The following NELFCD variants were observed in gnomAD, a reference collection of about 807,000 sequenced individuals.
NELFCD encodes the protein negative elongation factor complex member C/D, also known as negative elongation factor C/D.
NELFCD carries 48 observed loss-of-function variants against 72.9 expected under a neutral mutation model. That is an observed-to-expected ratio of 0.66 (90% CI 0.52 to 0.84). NELFCD has a LOEUF of 0.84. Ranked by LOEUF, NELFCD falls within the 40% of genes least tolerant of loss-of-function variation. NELFCD has a pLI of 0.00. For synonymous variants in NELFCD, 297 were observed against 280.6 expected (o/e 1.06, Z -0.59); for missense variants, 538 against 723.8 (o/e 0.74, Z 2.94).
intron 9 of NELFCD, 172 bp from the exon 10 acceptor site, chr20:58,991,709 A>G: frequency 2.6e-6 from 2 of 781,458 alleles, no homozygotes; most frequent in Non-Finnish European, 4.0e-6. Flanking sequence ...CACTAGTCTC[A>G]TTGCTTTTCA....
rs766699656 is a variant in NELFCD at position 58,986,151 on chromosome 20, A to G, written c.119A>G (p.His40Arg). The G allele has an allele frequency of 1.9e-6, 3 of 1,614,172 alleles. No individual in the cohort carries two copies. The highest frequency in any genetic ancestry group is 2.2e-5 in the East Asian group (1 of 44,882). Reference protein sequence around the residue: ...DDAEVQQECLHKFSTRDYIME... With the variant: ...DDAEVQQECLRKFSTRDYIME... Reference sequence around the variant, plus strand: ...GCGGAGGTTCAGCAAGAATGCCTGCATAAATTTTCCACCCGGGATTATATC... The same window carrying G: ...GCGGAGGTTCAGCAAGAATGCCTGCGTAAATTTTCCACCCGGGATTATATC... Residue 40 changes from histidine (H) to arginine (R), a missense_variant, in exon 2 of 15, where the codon CAT (histidine) becomes CGT (arginine). Coordinates refer to ENST00000652272, the MANE Select transcript of NELFCD (RefSeq NM_198976.4). This position sits in a 1 kb window ranked among gnomAD's most constrained non-coding sequence, Gnocchi z 4.4.
chr20:58,990,067 C>T, intron 7 of NELFCD, 79 bp downstream of exon 7: 1 of 1,553,516 alleles, frequency 6.4e-7, no homozygotes, highest in South Asian at 1.2e-5. Context: ...TGTTCCACAG[C>T]CAAAGCTGCT....
At position 58,993,758 on chromosome 20, in the gene NELFCD, C is replaced by T. The variant is rs141353754; in HGVS notation, c.1575C>T (p.Val525=). ...ACATTTCACTCATTCGCTATTTTGT[C>T]ACTGAGGTCAGCAATGCACCGTTGG... The part of the protein sequence containing the change: ...DTDISLIRYF[V]TEVLDVIAPP... Residue 525 remains valine, a synonymous_variant, in exon 13 of 15, where the codon GTC becomes GTT. Transcript: ENST00000652272. The surrounding 1 kb of genome is among the most constrained non-coding windows in gnomAD (Gnocchi z 5.0). The T allele has an allele frequency of 3.4e-5, 55 of 1,614,110 alleles. No homozygotes were observed. In the African/African-American group the frequency reaches 6.7e-4, roughly 20 times the overall value.
chr20:58,982,278 T>TC (rs1452523858), intron 1 of NELFCD, among the ~76,000 whole-genome samples: 3 of 145,180 alleles, frequency 2.1e-5, no homozygotes, highest in Non-Finnish European at 4.5e-5. Context: ...TGCCTCAGCC[T>TC]CCCGAATAGC....
At chr20:58,987,936 G>C in intron 4 of NELFCD, 119 bp downstream of exon 4, 1 of 735,482 alleles carries the variant, frequency 1.4e-6, no homozygotes. Flanking sequence ...TAAAATCAGA[G>C]TGTGAGACAG....
chr20:58,985,502 A>T (rs192376792), intron 1 of NELFCD, among the ~76,000 whole-genome samples: 4 of 152,276 alleles, frequency 2.6e-5, no homozygotes, highest in African/African-American at 9.6e-5. Context: ...TTGCCCTTAG[A>T]TGGAGTGACA....
At position 58,989,645 on chromosome 20, in the gene NELFCD, GTTCT is replaced by G; in HGVS notation, c.657+12_657+15del. The G allele has an allele frequency of 6.2e-7, 1 of 1,614,220 alleles. No homozygotes were observed. Among genetic ancestry groups the G allele is most frequent in the Non-Finnish European group, 8.5e-7 (1 of 1,180,032 alleles). On this transcript the variant is annotated splice_donor_region_variant and intron_variant, in intron 6 of 14. Coordinates refer to ENST00000652272, the MANE Select transcript of NELFCD (RefSeq NM_198976.4). Reference sequence around the variant, plus strand: ...AAAAATCTCCCTGAGTTTGCCGTAAGTTCTTTCTTTATGAACCTCAGATTAGAAG... The same window carrying G: ...AAAAATCTCCCTGAGTTTGCCGTAAGTTCTTTATGAACCTCAGATTAGAAG...
chr20:58,990,929 A>G lies in NELFCD; in HGVS notation c.808A>G (p.Ile270Val). 1 of 1,614,194 alleles carries G rather than the reference A, an allele frequency of 6.2e-7. No individual in the cohort carries two copies. The highest frequency in any genetic ancestry group is 8.5e-7 in the Non-Finnish European group (1 of 1,180,024). Residue 270 changes from isoleucine (I) to valine (V), a missense_variant, in exon 8 of 15, where the codon ATC (isoleucine) becomes GTC (valine). Ile to Val is a conservative substitution (Grantham distance 29, BLOSUM62 3). Around this residue, in one of 3 missense-constraint regions of NELFCD, gnomAD observed 355 missense variants for 534.5 expected, o/e 0.66. Coordinates refer to ENST00000652272, the MANE Select transcript of NELFCD (RefSeq NM_198976.4). ...AQEKGHDASQ[I>V]TLALGTAASY... ...ATCAAGAGGTCATGACGCCAGTCAGATCACACTAGCCTTGGGCACAGCTGC... is the reference window on the plus strand; with the variant it reads ...ATCAAGAGGTCATGACGCCAGTCAGGTCACACTAGCCTTGGGCACAGCTGC...
At chr20:58,991,468 T>G (rs2091816778) in intron 9 of NELFCD, 22 bp downstream of exon 9, 1 of 1,613,326 alleles carries the variant, frequency 6.2e-7, no homozygotes, top group Non-Finnish European at 8.5e-7. Flanking sequence ...TCTGGGAATT[T>G]GTGGATTTTT....
At chr20:58,990,594 C>T (rs2091808628) in intron 7 of NELFCD, 1 of 247,000 alleles carries the variant, frequency 4.0e-6, no homozygotes, top group Non-Finnish European at 7.8e-6. Context: ...AAGTAACAAA[C>T]AAAGTCAGTC....
intron 8 of NELFCD, 89 bp from the exon 9 acceptor site, chr20:58,991,223 G>T (rs2146354309): frequency 3.8e-6 from 6 of 1,578,202 alleles, no homozygotes; most frequent in South Asian, 3.4e-5. Flanking sequence ...AGCCTGTTGG[G>T]CCCCTGCTGT....
chr20:58,990,853 G>C, intron 7 of NELFCD, 57 bp from the exon 8 acceptor site: 1 of 1,481,550 alleles, frequency 6.7e-7, no homozygotes, highest in African/African-American at 1.4e-5. Flanking sequence ...GTGTAAAAAA[G>C]AACAGAAAAA....
intron 1 of NELFCD, among the ~76,000 whole-genome samples, chr20:58,981,694 C>A (rs2091734252): frequency 6.6e-6 from 1 of 151,668 alleles, no homozygotes; most frequent in South Asian, 2.1e-4. Flanking sequence ...GCCGGCCCTG[C>A]GACCCCCGCG....
intron 1 of NELFCD, 69 bp downstream of exon 1, chr20:58,981,438 T>G: frequency 1.6e-4 from 96 of 603,202 alleles, no homozygotes; most frequent in East Asian, 3.1e-4. Context: ...CCGGCCCCAC[T>G]CCCGGAGAGG....
chr20:58,983,718 G>T (rs1265427251), intron 1 of NELFCD, among the ~76,000 whole-genome samples: 1 of 152,092 alleles, frequency 6.6e-6, no homozygotes. Flanking sequence ...GAGCTACCGT[G>T]CCCGGCCTCA....
Position 58,986,866 on chromosome 20 carries a change from G to T in NELFCD, c.286+3G>T. 1 of 1,607,040 alleles carries T rather than the reference G, an allele frequency of 6.2e-7. No individual in the cohort carries two copies. The highest frequency in any genetic ancestry group is 1.7e-4 in the Middle Eastern group (1 of 6,036). On this transcript the variant is annotated splice_donor_region_variant and intron_variant, in intron 3 of 14. Coordinates refer to ENST00000652272, the MANE Select transcript of NELFCD (RefSeq NM_198976.4). This position sits in a 1 kb window ranked among gnomAD's most constrained non-coding sequence, Gnocchi z 4.4. ...GGCCGAGTGGCTCATTCAGACAGGT[G>T]CTTTGTGGGTGTCCCCTGTCCTGGC...
At chr20:58,985,273 G>A (rs1347172338) in intron 1 of NELFCD, among the ~76,000 whole-genome samples, 1 of 152,226 alleles carries the variant, frequency 6.6e-6, no homozygotes, top group African/African-American at 2.4e-5. Context: ...AGAGTAGGTT[G>A]CATGGAGGTC....
chr20:58,993,779 G>C lies in NELFCD; in HGVS notation c.1581+15G>C. On this transcript the variant is annotated intron_variant, in intron 13 of 14. Transcript: ENST00000652272. This position sits in a 1 kb window ranked among gnomAD's most constrained non-coding sequence, Gnocchi z 5.0. ...TTGTCACTGAGGTCAGCAATGCACC[G>C]TTGGTTTCATGTTTCATACTGTTTA... The C allele has an allele frequency of 6.2e-7, 1 of 1,613,208 alleles. No homozygotes were observed. The highest frequency in any genetic ancestry group is 8.5e-7 in the Non-Finnish European group (1 of 1,179,620).
intron 1 of NELFCD, among the ~76,000 whole-genome samples, chr20:58,981,853 CTG>C (rs2091735881): frequency 6.6e-6 from 1 of 152,210 alleles, no homozygotes; most frequent in East Asian, 1.9e-4. Flanking sequence ...GTTTTATAAA[CTG>C]TACTCTTCAG....
Sources: allele counts gnomAD v4.1 joint callset (sites outside exome capture counted in the v4.1 genomes callset), GRCh38; gene constraint gnomAD v4.1.1; regional missense constraint gnomAD v4.1.1; non-coding constraint Gnocchi (gnomAD v3.1); transcripts MANE v1.5; gene names NCBI Gene and HGNC (gene_info 2026-07-23, HGNC 2026-07-21).